Variants in ABTB2 observed in about 807,000 individuals in gnomAD.
The protein encoded by ABTB2 is ankyrin repeat and BTB/POZ domain-containing protein 2.
In ABTB2, 56 loss-of-function variants were observed where a neutral mutation model predicts 104.1. That is an observed-to-expected ratio of 0.54 (90% confidence interval 0.43 to 0.67). ABTB2 has a LOEUF of 0.67. Ranked by LOEUF, ABTB2 falls within the 30% of genes least tolerant of loss-of-function variation. ABTB2 has a pLI of 0.00. For missense variants in ABTB2, 1,279 were observed against 1,407.7 expected (o/e 0.91, Z 1.46); for synonymous variants, 606 against 608.2 (o/e 1.00, Z 0.05).
intron 3 of ABTB2, among the ~76,000 whole-genome samples, chr11:34,189,683 A>G (rs1853147849): frequency 6.6e-6 from 1 of 152,184 alleles, no homozygotes; most frequent in Non-Finnish European, 1.5e-5. Context: ...CTGAAACAAC[A>G]AAAGTCCTTC....
At chr11:34,167,448 G>A in intron 6 of ABTB2, 88 bp from the exon 7 acceptor site, 1 of 1,040,272 alleles carries the variant, frequency 9.6e-7, no homozygotes, top group East Asian at 2.6e-5. Context: ...GTTAACAAGT[G>A]CTTTCTACAT....
At chr11:34,270,889 G>A (rs552145966) in intron 1 of ABTB2, among the ~76,000 whole-genome samples, 1 of 152,314 alleles carries the variant, frequency 6.6e-6, no homozygotes, top group Non-Finnish European at 1.5e-5. Flanking sequence ...ATGTCCCTAG[G>A]CTACTGTGTG....
chr11:34,356,608 C>A lies in ABTB2; in HGVS notation c.883+93G>T, dbSNP rs1300991657. 11 of 1,425,908 alleles carry A rather than the reference C, an allele frequency of 7.7e-6. No individual in the cohort carries two copies. The highest frequency in any genetic ancestry group is 1.0e-5 in the Non-Finnish European group (11 of 1,074,318). The allele number at this position is 1,425,908 out of a possible 1,614,324, so 88.3% of individuals were successfully genotyped here. On this transcript the variant is annotated intron_variant, in intron 1 of 16. Transcript: ENST00000435224. This position sits in a 1 kb window ranked among gnomAD's most constrained non-coding sequence, Gnocchi z 4.6. ...TTTTCTCCCAAAGAACTGGCACAGC[C>A]ACCAGCTTTGTCTCAGGAAATTCAC...
At chr11:34,273,114 A>T (rs937241387) in intron 1 of ABTB2, among the ~76,000 whole-genome samples, 3 of 152,246 alleles carry the variant, frequency 2.0e-5, no homozygotes, top group Admixed American at 6.5e-5. Flanking sequence ...ATTTTTTTAA[A>T]TTTTTTGTTA....
At position 34,205,948 on chromosome 11, in the gene ABTB2, TCAATGCTTGGAC is replaced by T. The variant is rs1294651802; in HGVS notation, c.884-1270_884-1259del. 2.0e-5 allele frequency among the ~76,000 whole-genome samples: 3 copies of T among 152,092 alleles called. No homozygotes were observed. The East Asian group carries it at 5.8e-4, about 29-fold the overall frequency. ...TGAGGATTAACTGAGTAACTGGGGG[TCAATGCTTGGAC>T]CAATGCCTGGCTCAGAGTACATGCT... On this transcript the variant is annotated intron_variant, in intron 1 of 16. Coordinates refer to ENST00000435224, the MANE Select transcript of ABTB2 (RefSeq NM_145804.3).
chr11:34,285,471 C>A (rs985369192), intron 1 of ABTB2, among the ~76,000 whole-genome samples: 1 of 152,064 alleles, frequency 6.6e-6, no homozygotes, highest in Non-Finnish European at 1.5e-5. Flanking sequence ...ATCTTGCAGG[C>A]CTTCTTAACC....
intron 1 of ABTB2, among the ~76,000 whole-genome samples, chr11:34,261,366 A>G (rs1360064528): frequency 6.6e-6 from 1 of 152,180 alleles, no homozygotes; most frequent in Non-Finnish European, 1.5e-5. Flanking sequence ...GCTTGACAAA[A>G]CTATTTACAA....
chr11:34,331,366 A>G (rs917915988), intron 1 of ABTB2, among the ~76,000 whole-genome samples: 1 of 152,248 alleles, frequency 6.6e-6, no homozygotes, highest in Non-Finnish European at 1.5e-5. Context: ...AGTTGTGGAA[A>G]AACAACCCCA....
rs535482480 is a variant in ABTB2 at position 34,163,060 on chromosome 11, C to T, written c.1989-255G>A. Among the ~76,000 whole-genome samples the T allele has an allele frequency of 4.6e-5, 7 of 152,308 alleles. 1 individual carries two copies. The East Asian group carries it at 7.7e-4, about 17-fold the overall frequency. On this transcript the variant is annotated intron_variant, in intron 9 of 16. Coordinates refer to ENST00000435224, the MANE Select transcript of ABTB2 (RefSeq NM_145804.3). ...CGTATTGCAGAGAAGCCATAGGCTT[C>T]GGGGCTGAGCGAGCTCTGCCATCCT...
intron 4 of ABTB2, among the ~76,000 whole-genome samples, chr11:34,172,370 TCA>T (rs1491437107): frequency 2.6e-4 from 9 of 34,972 alleles, no homozygotes; most frequent in Admixed American, 1.9e-3. Context: ...AAACTCTGTC[TCA>T]AAAAAAAAAA....
intron 3 of ABTB2, among the ~76,000 whole-genome samples, chr11:34,176,514 C>T (rs556429480): frequency 4.6e-5 from 7 of 152,268 alleles, no homozygotes; most frequent in Non-Finnish European, 1.0e-4. Flanking sequence ...TGCTGGCACA[C>T]GCCTGTAGTC....
chr11:34,181,621 C>T (rs943747473), intron 3 of ABTB2, among the ~76,000 whole-genome samples: 2 of 152,188 alleles, frequency 1.3e-5, no homozygotes, highest in African/African-American at 4.8e-5. Context: ...AGAAGGGCCT[C>T]GAGACCAGGC....
intron 4 of ABTB2, among the ~76,000 whole-genome samples, 181 bp from the exon 5 acceptor site, chr11:34,171,252 C>T (rs1352371637): frequency 3.3e-5 from 5 of 152,180 alleles, no homozygotes; most frequent in Non-Finnish European, 7.3e-5. Context: ...GAAGAGCACA[C>T]ATTTCTGCTT....
intron 1 of ABTB2, among the ~76,000 whole-genome samples, chr11:34,264,840 C>T (rs1218828394): frequency 6.6e-6 from 1 of 152,324 alleles, no homozygotes; most frequent in Middle Eastern, 3.4e-3. Flanking sequence ...CATCCCGACC[C>T]CACTTCCTCA....
intron 1 of ABTB2, among the ~76,000 whole-genome samples, chr11:34,350,764 C>G (rs146749023): frequency 6.6e-6 from 1 of 152,320 alleles, no homozygotes; most frequent in African/African-American, 2.4e-5. Context: ...TAGCTGCCAT[C>G]TGAATGGGGC....
At chr11:34,347,702 C>T (rs745354734) in intron 1 of ABTB2, among the ~76,000 whole-genome samples, 26 of 152,120 alleles carry the variant, frequency 1.7e-4, no homozygotes, top group Non-Finnish European at 2.9e-5. Flanking sequence ...AGACAATTAG[C>T]TATAAGGTGG....
chr11:34,274,916 G>A (rs767221429), intron 1 of ABTB2, among the ~76,000 whole-genome samples: 5 of 152,176 alleles, frequency 3.3e-5, no homozygotes, highest in African/African-American at 7.2e-5. Flanking sequence ...CAGACTAAGC[G>A]GGGGTGATGA....
Position 34,154,594 on chromosome 11 carries a change from C to T in ABTB2, c.2766+107G>A. The T allele has an allele frequency of 8.5e-7, 1 of 1,172,258 alleles. No homozygotes were observed. The highest frequency in any genetic ancestry group is 1.2e-6 in the Non-Finnish European group (1 of 800,460). The allele number at this position is 1,172,258 out of a possible 1,614,324, so 72.6% of individuals were successfully genotyped here. ...GTTCCTCTTTCTGGGAACTGCTCTT[C>T]CTGTCAGATGGAGAGGAAGAGCCAC... On this transcript the variant is annotated intron_variant, in intron 15 of 16. Transcript: ENST00000435224. This position sits in a 1 kb window ranked among gnomAD's most constrained non-coding sequence, Gnocchi z 4.9.
chr11:34,158,253 A>C (rs1238073696), intron 14 of ABTB2, among the ~76,000 whole-genome samples: 1 of 152,154 alleles, frequency 6.6e-6, no homozygotes, highest in Admixed American at 6.5e-5. Flanking sequence ...CTCTATTAAA[A>C]ATACAAAAAA....
Sources: gnomAD v4.1 joint callset for allele counts (sites outside exome capture counted in the v4.1 genomes callset) on GRCh38, gnomAD v4.1.1 for gene constraint, Gnocchi (gnomAD v3.1) non-coding constraint, MANE v1.5 for transcripts, NCBI Gene and HGNC (gene_info 2026-07-23, HGNC 2026-07-21) for gene names.